The following UBE3B variants were observed in gnomAD, a reference collection of about 807,000 sequenced individuals.
The protein encoded by UBE3B is ubiquitin-protein ligase E3B.
In UBE3B, 80 loss-of-function variants were observed where a neutral mutation model predicts 132.3. That is an observed-to-expected ratio of 0.60 (90% CI 0.50 to 0.73). The LOEUF is 0.73. UBE3B is among the 30% of genes least tolerant of loss of function. The pLI is 0.00. For missense variants in UBE3B, 1,196 were observed against 1,362.5 expected (o/e 0.88, Z 1.92); for synonymous variants, 487 against 520.4 (o/e 0.94, Z 0.87).
the UBE3B span, among the ~76,000 whole-genome samples, chr12:109,545,227 G>T: frequency 1.3e-5 from 2 of 152,362 alleles, no homozygotes; most frequent in East Asian, 3.9e-4. Flanking sequence ...TCTGCTGGGT[G>T]GCTTTGTCAC....
intron 15 of UBE3B, chr12:109,508,926 G>T (rs919115862): frequency 5.1e-6 from 1 of 194,732 alleles, no homozygotes. Flanking sequence ...AGTAAACATC[G>T]ACTCTCAGTC....
At chr12:109,518,959 G>A (rs991739893) in intron 19 of UBE3B, among the ~76,000 whole-genome samples, 1 of 152,166 alleles carries the variant, frequency 6.6e-6, no homozygotes, top group Admixed American at 6.5e-5. Flanking sequence ...TCAGTAAGCT[G>A]ATCTCAGACT....
At chr12:109,499,438 C>G (rs75248373) in intron 11 of UBE3B, among the ~76,000 whole-genome samples, 195 bp from the exon 12 acceptor site, 5,616 of 152,282 alleles carry the variant, frequency 0.037, 378 homozygotes, top group African/African-American at 0.13. Context: ...GTGGCATAGC[C>G]AGGATTTGAA....
At chr12:109,510,075 A>G (rs146650861) in intron 16 of UBE3B, among the ~76,000 whole-genome samples, 112 of 152,324 alleles carry the variant, frequency 7.4e-4, no homozygotes, top group African/African-American at 2.5e-3. Flanking sequence ...AGTGTCTCCA[A>G]TTGCTCAGGA....
At chr12:109,503,222 C>A in intron 14 of UBE3B, 32 bp downstream of exon 14, 1 of 1,600,458 alleles carries the variant, frequency 6.2e-7, no homozygotes, top group Non-Finnish European at 8.5e-7. Context: ...TTCTTCACCT[C>A]TCACATTTGG....
chr12:109,541,673 C>T (rs181461089), downstream of UBE3B, among the ~76,000 whole-genome samples: 10 of 152,256 alleles, frequency 6.6e-5, no homozygotes, highest in East Asian at 1.2e-3. Flanking sequence ...CTTAAAACAA[C>T]GGAAATGTAT....
intron 11 of UBE3B, 142 bp downstream of exon 11, chr12:109,498,495 C>T (rs1241626796): frequency 1.0e-6 from 1 of 960,024 alleles, no homozygotes; most frequent in Non-Finnish European, 1.5e-6. Flanking sequence ...TTTAGATAGA[C>T]AGTTAAAATA....
the UBE3B span, among the ~76,000 whole-genome samples, chr12:109,547,702 A>G: frequency 6.6e-6 from 1 of 151,446 alleles, no homozygotes; most frequent in Non-Finnish European, 1.5e-5. The surrounding 1 kb of genome is among the most constrained non-coding windows in gnomAD (Gnocchi z 4.1). Context: ...CCTCCCCCAA[A>G]CCCCAACACA....
rs1244918889 is a variant in UBE3B at position 109,501,507 on chromosome 12, T to C, written c.1255T>C (p.Ser419Pro). The C allele has an allele frequency of 6.2e-7, 1 of 1,614,060 alleles. No individual in the cohort carries two copies. Among genetic ancestry groups the C allele is most frequent in the East Asian group, 2.2e-5 (1 of 44,876 alleles). Reference protein sequence around the residue: ...SQEPAHAQPASPQNVLPVKSL... With the variant: ...SQEPAHAQPAPPQNVLPVKSL... ...GGAGCCAGCCCACGCACAGCCAGCA[T>C]CCCCTCAGAATGTGCTCCCAGTGAA... Residue 419 changes from serine to proline, a missense_variant, in exon 13 of 28, where the codon TCC becomes CCC. Coordinates refer to ENST00000342494, the MANE Select transcript of UBE3B (RefSeq NM_130466.4).
chr12:109,507,734 A>C lies in UBE3B; in HGVS notation c.1621A>C (p.Thr541Pro). ...LFCDCSRHLI[T>P]ILDDIEVYEE... ...CTGTGACTGTTCGCGGCACCTCATC[A>C]CGTAGGTTGACTGCTGTGGGACTGA... is the stretch of plus-strand genomic sequence containing the variant. The change falls in exon 15 of 28, where the codon ACA (threonine) becomes CCA (proline). Residue 541 changes from threonine (T) to proline (P), a missense_variant and splice_region_variant. Physicochemically the swap from Thr to Pro is conservative, Grantham distance 38. Transcript: ENST00000342494. The C allele has an allele frequency of 2.5e-6, 4 of 1,610,988 alleles. No individual in the cohort carries two copies. Among genetic ancestry groups the C allele is most frequent in the Non-Finnish European group, 2.5e-6 (3 of 1,178,330 alleles).
intron 4 of UBE3B, among the ~76,000 whole-genome samples, 192 bp from the exon 5 acceptor site, chr12:109,485,820 A>C (rs1196750227): frequency 1.3e-5 from 2 of 152,208 alleles, no homozygotes; most frequent in Non-Finnish European, 2.9e-5. Context: ...CTCTTGGGCC[A>C]CCAGTTGGAG....
At chr12:109,503,940 A>G (rs1304369445) in intron 14 of UBE3B, among the ~76,000 whole-genome samples, 1 of 152,204 alleles carries the variant, frequency 6.6e-6, no homozygotes, top group African/African-American at 2.4e-5. Flanking sequence ...CCATTCTTCA[A>G]ATATTTATTG....
chr12:109,538,338 C>T (rs1304277837), downstream of UBE3B, among the ~76,000 whole-genome samples: 4 of 152,124 alleles, frequency 2.6e-5, no homozygotes, highest in African/African-American at 7.2e-5. The surrounding 1 kb of genome is among the most constrained non-coding windows in gnomAD (Gnocchi z 4.1). Flanking sequence ...CCAGAGTGGC[C>T]GGAGAACTGT....
intron 15 of UBE3B, 162 bp from the exon 16 acceptor site, chr12:109,509,434 C>G: frequency 1.9e-6 from 1 of 527,028 alleles, no homozygotes; most frequent in Admixed American, 3.8e-5. Flanking sequence ...CCCCCTACCC[C>G]TGATGATATC....
chr12:109,529,501 T>TA (rs1592971354), intron 24 of UBE3B, among the ~76,000 whole-genome samples: 1 of 152,364 alleles, frequency 6.6e-6, no homozygotes, highest in East Asian at 1.9e-4. Flanking sequence ...AATGGTATCT[T>TA]AATTGATTTA....
chr12:109,486,405 CAGTTA>C, intron 5 of UBE3B, 61 bp from the exon 6 acceptor site: 1 of 1,324,816 alleles, frequency 7.5e-7, no homozygotes, highest in Admixed American at 2.1e-5. Flanking sequence ...CCAGTTCCAA[CAGTTA>C]GAGCACAAGT....
chr12:109,490,919 G>A lies in UBE3B; in HGVS notation c.631-126G>A, dbSNP rs113913176. ...TCCTGAGCTGGGACTGTAGGTACAA[G>A]CCACCATGCCTGGCTCACAATACAG... On this transcript the variant is annotated intron_variant, in intron 8 of 27. Transcript: ENST00000342494. The A allele has an allele frequency of 3.7e-3, 4,275 of 1,154,390 alleles. 63 individuals are homozygous for A. The African/African-American group carries it at 0.037, about 10-fold the overall frequency. The allele number at this position is 1,154,390 out of a possible 1,614,324, so 71.5% of individuals were successfully genotyped here. A position where few individuals can be genotyped will look rare whatever the true frequency, so the allele number is the denominator to read the frequency against.
At chr12:109,527,988 C>T (rs909648117) in intron 24 of UBE3B, among the ~76,000 whole-genome samples, 1 of 152,126 alleles carries the variant, frequency 6.6e-6, no homozygotes, top group African/African-American at 2.4e-5. Flanking sequence ...ACTCACTCTC[C>T]CCACATAGGC....
chr12:109,495,879 A>C (rs757183837), intron 9 of UBE3B, among the ~76,000 whole-genome samples: 67 of 152,278 alleles, frequency 4.4e-4, no homozygotes, highest in South Asian at 1.7e-3. Context: ...TAGACCTACA[A>C]CCTTCTGGCC....
Sources: gnomAD v4.1 joint callset for allele counts (sites outside exome capture counted in the v4.1 genomes callset) on GRCh38, gnomAD v4.1.1 for gene constraint, Gnocchi (gnomAD v3.1) non-coding constraint, MANE v1.5 for transcripts, NCBI Gene and HGNC (gene_info 2026-07-23, HGNC 2026-07-21) for gene names.